FRAS1: variants seen among roughly 807,000 people sequenced by gnomAD.
FRAS1 encodes Fraser extracellular matrix complex subunit 1.
A neutral mutation model predicts 435.2 loss-of-function variants in FRAS1; 290 were observed. The observed-to-expected ratio is 0.67, with a 90% CI of 0.61 to 0.73. FRAS1 has a LOEUF of 0.73. FRAS1 is among the 30% of genes least tolerant of loss of function. The pLI is 0.00. For synonymous variants in FRAS1, 1,800 were observed against 1,851.0 expected (o/e 0.97, Z 0.71); for missense variants, 4,860 against 5,001.5 (o/e 0.97, Z 0.85).
At chr4:78,418,624 C>A (rs1733640729) in intron 32 of FRAS1, among the ~76,000 whole-genome samples, 1 of 152,126 alleles carries the variant, frequency 6.6e-6, no homozygotes, top group Admixed American at 6.6e-5. Flanking sequence ...AGCTGGGATG[C>A]CTCATTTGCA....
chr4:78,096,100 C>A (rs1741790655), intron 2 of FRAS1, among the ~76,000 whole-genome samples: 2 of 152,274 alleles, frequency 1.3e-5, no homozygotes, highest in South Asian at 4.1e-4. Flanking sequence ...ACAGCCATTC[C>A]AAATGGGAGA....
chr4:78,405,973 G>C (rs1486016146), intron 30 of FRAS1, among the ~76,000 whole-genome samples: 1 of 152,222 alleles, frequency 6.6e-6, no homozygotes, highest in African/African-American at 2.4e-5. Context: ...TGAAGGTCAA[G>C]GTGCTTTAGG....
At chr4:78,322,398 G>T (rs775196092) in intron 18 of FRAS1, among the ~76,000 whole-genome samples, 9 of 152,194 alleles carry the variant, frequency 5.9e-5, no homozygotes, top group Non-Finnish European at 1.2e-4. Flanking sequence ...GTGTGAGTGT[G>T]TGCGCACATA....
chr4:78,126,606 T>A (rs1485284399), intron 2 of FRAS1, among the ~76,000 whole-genome samples: 1 of 152,252 alleles, frequency 6.6e-6, no homozygotes, highest in Non-Finnish European at 1.5e-5. Context: ...ATTCTTTGTA[T>A]TGAAAATTCT....
intron 2 of FRAS1, among the ~76,000 whole-genome samples, chr4:78,204,306 A>G (rs1479509987): frequency 6.6e-6 from 1 of 152,220 alleles, no homozygotes. Flanking sequence ...AATAATGAGA[A>G]TCAGCTCTAT....
intron 52 of FRAS1, 22 bp from the exon 53 acceptor site, chr4:78,473,416 C>A: frequency 6.2e-7 from 1 of 1,604,258 alleles, no homozygotes; most frequent in South Asian, 1.1e-5. Context: ...GGTTAATTCA[C>A]AGTGAGTCTT....
chr4:78,278,458 A>G (rs1373211841), intron 9 of FRAS1, among the ~76,000 whole-genome samples, 197 bp from the exon 10 acceptor site: 2 of 152,220 alleles, frequency 1.3e-5, no homozygotes, highest in Non-Finnish European at 2.9e-5. Flanking sequence ...AAGAAAAAGC[A>G]CATGGAGGAG....
intron 3 of FRAS1, among the ~76,000 whole-genome samples, chr4:78,241,497 G>C (rs1725001777): frequency 6.6e-6 from 1 of 152,140 alleles, no homozygotes; most frequent in Non-Finnish European, 1.5e-5. Flanking sequence ...TACCATGAAA[G>C]ACATATAATC....
intron 38 of FRAS1, among the ~76,000 whole-genome samples, chr4:78,437,040 G>A (rs978274897): frequency 2.0e-5 from 3 of 152,170 alleles, no homozygotes; most frequent in South Asian, 2.1e-4. Context: ...TGCATTTTTT[G>A]TACCTCCAGT....
At chr4:78,537,901 G>T (rs1721932037) in intron 72 of FRAS1, among the ~76,000 whole-genome samples, 1 of 149,294 alleles carries the variant, frequency 6.7e-6, no homozygotes, top group African/African-American at 2.5e-5. Context: ...AGCCAAGATT[G>T]CACCACTGCA....
intron 16 of FRAS1, among the ~76,000 whole-genome samples, chr4:78,316,143 A>G (rs948636429): frequency 6.6e-6 from 1 of 152,268 alleles, no homozygotes; most frequent in Admixed American, 6.5e-5. Context: ...CAAGTTTGAT[A>G]GCTAGTAAAG....
At chr4:78,397,122 A>G (rs1330926755) in intron 29 of FRAS1, among the ~76,000 whole-genome samples, 1 of 152,128 alleles carries the variant, frequency 6.6e-6, no homozygotes, top group Non-Finnish European at 1.5e-5. Flanking sequence ...TGTTTCTTGA[A>G]GGCTTGCATC....
rs886059646 is a variant in FRAS1, at chr4:78,541,208, A to G, written c.*84A>G. The G allele has an allele frequency of 2.8e-5, 23 of 826,952 alleles. No individual in the cohort carries two copies. The highest frequency in any genetic ancestry group is 3.9e-5 in the Non-Finnish European group (23 of 589,014). 51.2% of individuals were successfully genotyped at this position (826,952 alleles called of 1,614,324 possible). A position where few individuals can be genotyped will look rare whatever the true frequency, so the allele number is the denominator to read the frequency against. On this transcript the variant is annotated 3_prime_UTR_variant, in exon 74 of 74. Transcript: ENST00000512123. ...CTGGTATTTTTATAATCTCGCAGAT[A>G]AAAAAGGGAAAACTATAGCTTTGAG...
At chr4:78,088,011 C>T (rs940853707) in intron 2 of FRAS1, among the ~76,000 whole-genome samples, 3 of 152,186 alleles carry the variant, frequency 2.0e-5, no homozygotes, top group African/African-American at 7.2e-5. Flanking sequence ...CATCACACTA[C>T]CTGACTTCAA....
chr4:78,254,719 G>C (rs1184187884), intron 5 of FRAS1, among the ~76,000 whole-genome samples: 1 of 151,386 alleles, frequency 6.6e-6, no homozygotes, highest in East Asian at 1.9e-4. Context: ...AGGGTCTCTT[G>C]TTCAAAAAGA....
intron 2 of FRAS1, among the ~76,000 whole-genome samples, chr4:78,132,195 G>A (rs1719714180): frequency 6.6e-6 from 1 of 152,098 alleles, no homozygotes; most frequent in African/African-American, 2.4e-5. Context: ...CCCCTGCAGA[G>A]GATTTAGAAG....
intron 4 of FRAS1, among the ~76,000 whole-genome samples, chr4:78,249,684 A>C (rs1415336435): frequency 6.6e-6 from 1 of 152,126 alleles, no homozygotes; most frequent in African/African-American, 2.4e-5. Flanking sequence ...CCCATTGCTT[A>C]ATTTTATGTC....
chr4:78,166,192 T>G (rs1280823589), intron 2 of FRAS1, among the ~76,000 whole-genome samples: 1 of 152,146 alleles, frequency 6.6e-6, no homozygotes, highest in African/African-American at 2.4e-5. Context: ...TATAAAACCA[T>G]TTTCACTTTT....
At chr4:78,524,295 G>A (rs1721469409) in intron 69 of FRAS1, among the ~76,000 whole-genome samples, 1 of 152,158 alleles carries the variant, frequency 6.6e-6, no homozygotes, top group African/African-American at 2.4e-5. Context: ...GAGGTGAGGA[G>A]ATAAAATACA....
Sources: gnomAD v4.1 joint callset for allele counts (sites outside exome capture counted in the v4.1 genomes callset) on GRCh38, gnomAD v4.1.1 for gene constraint, MANE v1.5 for transcripts, NCBI Gene and HGNC (gene_info 2026-07-23, HGNC 2026-07-21) for gene names.